The following ATG2B variants were observed in gnomAD, a reference collection of about 807,000 sequenced individuals.
ATG2B encodes autophagy-related protein 2 homolog B.
ATG2B carries 121 observed loss-of-function variants against 241.3 expected under a neutral mutation model. The observed-to-expected ratio is 0.50, with a 90% CI of 0.43 to 0.58. The LOEUF (loss-of-function observed/expected upper bound fraction) is 0.58, where lower values mean the gene tolerates loss of function less well. Ranked by LOEUF, ATG2B falls within the 20% of genes least tolerant of loss-of-function variation. The pLI is 0.00. For missense variants in ATG2B, 2,306 were observed against 2,491.6 expected (o/e 0.93, Z 1.59); for synonymous variants, 858 against 876.6 (o/e 0.98, Z 0.37).
At chr14:96,353,903 TGAA>T (rs1888402714) in intron 1 of ATG2B, among the ~76,000 whole-genome samples, 1 of 152,048 alleles carries the variant, frequency 6.6e-6, no homozygotes, top group Non-Finnish European at 1.5e-5. Flanking sequence ...CCAACTTTAA[TGAA>T]GAGATTGTTC....
intron 1 of ATG2B, among the ~76,000 whole-genome samples, chr14:96,360,834 C>T (rs530171649): frequency 6.8e-6 from 1 of 148,148 alleles, no homozygotes; most frequent in East Asian, 2.0e-4. Context: ...TGGCTCATGC[C>T]TGTAATCTGA....
At position 96,317,773 on chromosome 14, in the gene ATG2B, GC is replaced by G; in HGVS notation, c.2961del (p.Leu988PhefsTer3). 6.2e-7 allele frequency: 1 copy of G among 1,613,186 alleles called. No individual in the cohort carries two copies. Among genetic ancestry groups the G allele is most frequent in the Non-Finnish European group, 8.5e-7 (1 of 1,179,372 alleles). On this transcript the variant is annotated frameshift_variant, in exon 19 of 42. Transcript: ENST00000359933. LOFTEE classifies it high-confidence loss of function. The stretch of plus-strand genomic sequence containing the variant: ...TTAATGAGCTGACTGGCTACTGAAA[GC>G]CCAATGCCATAGGAAATATTCTCGA... ...ETFENISYGI[G>X]LSVASQLINT...
At chr14:96,329,745 CA>C (rs1887682989) in intron 11 of ATG2B, 111 bp from the exon 12 acceptor site, 2 of 610,340 alleles carry the variant, frequency 3.3e-6, no homozygotes, top group South Asian at 7.1e-5. Flanking sequence ...GGAAATTAAC[CA>C]GAAAGATTGC....
At chr14:96,324,042 T>A in intron 15 of ATG2B, 44 bp from the exon 16 acceptor site, 3 of 1,324,704 alleles carry the variant, frequency 2.3e-6, no homozygotes, top group Non-Finnish European at 3.2e-6. Flanking sequence ...TCTTCTCAAG[T>A]ACTAAAAGAA....
intron 31 of ATG2B, 25 bp from the exon 32 acceptor site, chr14:96,304,628 AAC>A (rs1886885875): frequency 2.3e-6 from 3 of 1,304,000 alleles, no homozygotes; most frequent in Non-Finnish European, 3.2e-6. Context: ...AAAAAAAAAA[AAC>A]CCTTTTGTTA....
At position 96,313,112 on chromosome 14, in the gene ATG2B, G is replaced by C. The variant is rs758051746; in HGVS notation, c.3795C>G (p.Phe1265Leu). 1.2e-6 allele frequency: 2 copies of C among 1,613,566 alleles called. No individual in the cohort carries two copies. Among genetic ancestry groups the C allele is most frequent in the Admixed American group, 1.7e-5 (1 of 60,008 alleles). ...PIRSLLTVET[F>L]SVSSSVALDK... is the part of the protein sequence containing the mutation. ...CCAATGCAACGCTACTGGAAACACT[G>C]AATGTTTCCACGGTAAGAAGAGATC... Residue 1265 changes from phenylalanine to leucine, a missense_variant, in exon 25 of 42, where the codon TTC becomes TTG. Coordinates refer to ENST00000359933, the MANE Select transcript of ATG2B (RefSeq NM_018036.7).
Position 96,289,600 on chromosome 14 carries a change from A to AAAGTTGGG in ATG2B, c.6006+48_6006+55dup. On this transcript the variant is annotated intron_variant, in intron 41 of 41. Transcript: ENST00000359933. The surrounding 1 kb of genome is among the most constrained non-coding windows in gnomAD (Gnocchi z 4.3). The stretch of plus-strand genomic sequence containing the variant: ...TAAGCCATTAAATGCTCTTTAGGTG[A>AAAGTTGGG]AAGTTGGGAAAGCGCACAGAAGGGT... The AAAGTTGGG allele has an allele frequency of 1.3e-6, 2 of 1,587,748 alleles. No individual in the cohort carries two copies. Among genetic ancestry groups the AAAGTTGGG allele is most frequent in the Non-Finnish European group, 1.7e-6 (2 of 1,167,324 alleles).
chr14:96,334,830 T>C (rs1298373470), intron 6 of ATG2B, among the ~76,000 whole-genome samples: 1 of 152,198 alleles, frequency 6.6e-6, no homozygotes, highest in Non-Finnish European at 1.5e-5. Flanking sequence ...AAGGTAGCAA[T>C]AGCACAGTAT....
intron 4 of ATG2B, among the ~76,000 whole-genome samples, chr14:96,344,081 T>C (rs1888111839): frequency 6.6e-6 from 1 of 152,240 alleles, no homozygotes; most frequent in Admixed American, 6.5e-5. Flanking sequence ...CTTAGGTGTA[T>C]GTATGTAAAT....
chr14:96,323,664 T>TAA (rs543279105), intron 16 of ATG2B, among the ~76,000 whole-genome samples: 17 of 152,164 alleles, frequency 1.1e-4, no homozygotes, highest in Non-Finnish European at 1.9e-4. Context: ...ATCGGTCTAA[T>TAA]AGACAGTGGA....
At chr14:96,334,568 T>C (rs1409685431) in intron 6 of ATG2B, 67 bp from the exon 7 acceptor site, 5 of 883,058 alleles carry the variant, frequency 5.7e-6, no homozygotes, top group Non-Finnish European at 5.3e-6. Context: ...TAAACGTCAG[T>C]ATATTTTAAT....
intron 23 of ATG2B, among the ~76,000 whole-genome samples, chr14:96,314,588 C>T (rs754987427): frequency 7.5e-6 from 1 of 133,222 alleles, no homozygotes; most frequent in Non-Finnish European, 1.8e-5. Context: ...CCTTTAATGA[C>T]ATATAAGATA....
Position 96,283,982 on chromosome 14 carries a change from A to G in ATG2B, c.*1773T>C, listed in dbSNP as rs572688113. The stretch of plus-strand genomic sequence containing the variant: ...GAATAATTATTTTTCTCTATACTGT[A>G]GTTAATTGAACTTAAGTACAACTGT... On this transcript the variant is annotated 3_prime_UTR_variant, in exon 42 of 42. Transcript: ENST00000359933. 6.6e-6 allele frequency: 1 copy of G among 152,362 alleles called. No homozygotes were observed. Among genetic ancestry groups the G allele is most frequent in the South Asian group, 2.1e-4 (1 of 4,828 alleles). 9.4% of individuals were successfully genotyped at this position (152,362 alleles called of 1,614,324 possible).
rs1260833045 is a variant in ATG2B at position 96,311,667 on chromosome 14, T to C, written c.3914-49A>G. ...ATCTCTTCAGTACAGCTTTCAAAAA[T>C]GTGTATCCAACCAACACCCAATACA... is the stretch of plus-strand genomic sequence containing the variant. On this transcript the variant is annotated intron_variant, in intron 26 of 41. Transcript: ENST00000359933. The C allele has an allele frequency of 6.4e-6, 8 of 1,249,762 alleles. No individual in the cohort carries two copies. The East Asian group carries it at 7.1e-5, about 11-fold the overall frequency. The allele number at this position is 1,249,762 out of a possible 1,614,324, so 77.4% of individuals were successfully genotyped here.
intron 1 of ATG2B, among the ~76,000 whole-genome samples, chr14:96,357,220 G>T (rs548976607): frequency 6.6e-6 from 1 of 152,134 alleles, no homozygotes; most frequent in East Asian, 1.9e-4. Flanking sequence ...AACTTCCCTT[G>T]ACTTCTGTAA....
At position 96,306,921 on chromosome 14, in the gene ATG2B, A is replaced by T; in HGVS notation, c.4304-5T>A. 2 of 1,610,220 alleles carry T rather than the reference A, an allele frequency of 1.2e-6. No homozygotes were observed. The highest frequency in any genetic ancestry group is 2.2e-5 in the South Asian group (2 of 90,388). On this transcript the variant is annotated splice_region_variant and splice_polypyrimidine_tract_variant and intron_variant, in intron 29 of 41. Transcript: ENST00000359933. ...GAGATTTTTCATCCAAAACACCTAG[A>T]TAAAAAGATTACAACATTTTGGCAC... is the stretch of plus-strand genomic sequence containing the variant.
Position 96,334,735 on chromosome 14 carries a change from G to A in ATG2B, c.925-234C>T, listed in dbSNP as rs28693562. The stretch of plus-strand genomic sequence containing the variant: ...GAAATTCCATGCTGACGAGTCCAAT[G>A]TTATACTTTTTGTCTCTTCAAGTCT... On this transcript the variant is annotated intron_variant, in intron 6 of 41. Transcript: ENST00000359933. 8.4e-3 allele frequency among the ~76,000 whole-genome samples: 1,278 copies of A among 152,222 alleles called. 19 individuals are homozygous for A. The highest frequency in any genetic ancestry group is 0.029 in the African/African-American group (1,205 of 41,536).
intron 30 of ATG2B, 88 bp downstream of exon 30, chr14:96,306,626 C>A: frequency 1.1e-5 from 13 of 1,142,638 alleles, no homozygotes; most frequent in South Asian, 3.4e-5. Flanking sequence ...AAAGAATTTA[C>A]AAAATCAACA....
rs1158399700 is a variant in ATG2B, at chr14:96,315,511, G to A, written c.3434C>T (p.Pro1145Leu). Residue 1145 changes from proline to leucine, a missense_variant, in exon 22 of 42, where the codon CCT becomes CTT. Around this residue, in one of 2 missense-constraint regions of ATG2B, gnomAD observed 1,927 missense variants for 2,011.2 expected, o/e 0.96. Coordinates refer to ENST00000359933, the MANE Select transcript of ATG2B (RefSeq NM_018036.7). The part of the protein sequence containing the change: ...PSSTRPHWLE[P>L]TIYSSEEDGL... ...ATCTTCTTCAGAGGAATAAATAGTAGGTTCCAACCAGTGTGGGCGGGTTGA... is the reference window on the plus strand; with the variant it reads ...ATCTTCTTCAGAGGAATAAATAGTAAGTTCCAACCAGTGTGGGCGGGTTGA... 1 of 1,614,158 alleles carries A rather than the reference G, an allele frequency of 6.2e-7. No individual in the cohort carries two copies.
Sources: allele counts gnomAD v4.1 joint callset (sites outside exome capture counted in the v4.1 genomes callset), GRCh38; gene constraint gnomAD v4.1.1; regional missense constraint gnomAD v4.1.1; non-coding constraint Gnocchi (gnomAD v3.1); transcripts MANE v1.5; gene names NCBI Gene and HGNC (gene_info 2026-07-23, HGNC 2026-07-21).